The following PSD3 variants were observed in gnomAD, a reference collection of about 807,000 sequenced individuals.
PSD3 encodes the protein pleckstrin and Sec7 domain containing 3.
In PSD3, 49 loss-of-function variants were observed where a neutral mutation model predicts 105.5. The ratio of observed to expected loss-of-function variants is 0.46; its 90% CI spans 0.37 to 0.59. The LOEUF (loss-of-function observed/expected upper bound fraction) is 0.59, where lower values mean the gene tolerates loss of function less well. Ranked by LOEUF, PSD3 falls within the 20% of genes least tolerant of loss-of-function variation. The pLI, the probability that PSD3 is intolerant of heterozygous loss-of-function variation, is 0.00. For missense variants in PSD3, 1,561 were observed against 1,263.8 expected (o/e 1.24, Z -3.57); for synonymous variants, 557 against 457.8 (o/e 1.22, Z -2.77).
intron 9 of PSD3, among the ~76,000 whole-genome samples, chr8:18,718,703 T>C (rs1220985115): frequency 6.6e-6 from 1 of 152,080 alleles, no homozygotes; most frequent in East Asian, 1.9e-4. Context: ...CTAAAAACCT[T>C]TAGGAGATGA....
intron 1 of PSD3, among the ~76,000 whole-genome samples, chr8:19,065,603 C>A (rs1829049511): frequency 6.6e-6 from 1 of 152,168 alleles, no homozygotes; most frequent in Non-Finnish European, 1.5e-5. Context: ...TGGTTTATTA[C>A]AAAGGGTATT....
At chr8:18,847,288 A>G (rs1331809976) in intron 4 of PSD3, among the ~76,000 whole-genome samples, 1 of 152,100 alleles carries the variant, frequency 6.6e-6, no homozygotes, top group African/African-American at 2.4e-5. Context: ...TTCAAAGTAA[A>G]TATCTCCCAT....
chr8:18,950,914 G>A (rs1428285608), intron 1 of PSD3, among the ~76,000 whole-genome samples: 1 of 152,066 alleles, frequency 6.6e-6, no homozygotes, highest in African/African-American at 2.4e-5. Flanking sequence ...TATTTCTGTT[G>A]CTCTAGGGCC....
chr8:19,058,633 A>T (rs1828788237), intron 1 of PSD3, among the ~76,000 whole-genome samples: 1 of 152,150 alleles, frequency 6.6e-6, no homozygotes, highest in Admixed American at 6.5e-5. Flanking sequence ...CCCAACTTAA[A>T]TTCTACCTGT....
At chr8:19,003,183 C>T (rs1044805169) in intron 1 of PSD3, among the ~76,000 whole-genome samples, 1 of 152,048 alleles carries the variant, frequency 6.6e-6, no homozygotes, top group Non-Finnish European at 1.5e-5. Context: ...CACTATGCTG[C>T]ACTGCCTCTG....
intron 1 of PSD3, among the ~76,000 whole-genome samples, chr8:19,030,883 T>G (rs760815620): frequency 6.6e-6 from 1 of 152,228 alleles, no homozygotes; most frequent in Admixed American, 6.5e-5. Context: ...AGCTGCTTTC[T>G]CTTTCAAGTC....
At chr8:19,068,878 G>A (rs112649197) in intron 1 of PSD3, among the ~76,000 whole-genome samples, 2,422 of 151,736 alleles carry the variant, frequency 0.016, 77 homozygotes, top group African/African-American at 0.056. Flanking sequence ...GCTCTTTTTT[G>A]CCCACATCTG....
intron 1 of PSD3, among the ~76,000 whole-genome samples, chr8:18,945,151 T>C (rs1219861728): frequency 6.6e-6 from 1 of 152,172 alleles, no homozygotes; most frequent in Non-Finnish European, 1.5e-5. Flanking sequence ...ACAAAATGTC[T>C]ACATTCTAAT....
chr8:18,575,948 G>C (rs990206229), intron 12 of PSD3, among the ~76,000 whole-genome samples: 8 of 152,060 alleles, frequency 5.3e-5, no homozygotes, highest in African/African-American at 1.7e-4. Context: ...TAGAGTTTAA[G>C]GCCTCCCTTC....
rs1823686591 is a variant in PSD3 at position 18,958,036 on chromosome 8, T to G, written c.22-21894A>C. ...CAGCAACTCAACTCTTAATAATTTA[T>G]TCCACAGACACATACCAAAGAGGAA... On this transcript the variant is annotated intron_variant, in intron 1 of 15. Coordinates refer to ENST00000327040, the MANE Select transcript of PSD3 (RefSeq NM_015310.4). Among the ~76,000 whole-genome samples, 3 of 152,172 alleles carry G rather than the reference T, an allele frequency of 2.0e-5. No individual in the cohort carries two copies. The South Asian group carries it at 6.2e-4, about 32-fold the overall frequency.
At chr8:18,722,141 G>A (rs945196340) in intron 9 of PSD3, among the ~76,000 whole-genome samples, 1 of 151,214 alleles carries the variant, frequency 6.6e-6, no homozygotes, top group Middle Eastern at 3.2e-3. Context: ...CTACTAGATC[G>A]GTGGGTGGAC....
At chr8:18,642,964 G>A (rs1311700166) in intron 10 of PSD3, among the ~76,000 whole-genome samples, 2 of 152,216 alleles carry the variant, frequency 1.3e-5, no homozygotes, top group African/African-American at 4.8e-5. Context: ...CTCAGATTAA[G>A]TATGAGATAT....
At chr8:18,575,881 G>C (rs533455045) in intron 12 of PSD3, among the ~76,000 whole-genome samples, 8 of 150,024 alleles carry the variant, frequency 5.3e-5, no homozygotes, top group Middle Eastern at 3.4e-3. Flanking sequence ...AGCTTAGCTT[G>C]TTATCAAAAA....
chr8:18,614,401 ATTACCGGGAATTT>A (rs796186793), intron 11 of PSD3, among the ~76,000 whole-genome samples: 7 of 133,862 alleles, frequency 5.2e-5, no homozygotes, highest in African/African-American at 1.9e-4. Context: ...TTCAACAAAT[ATTACCGGGAATTT>A]TTTTTTTTTT....
intron 9 of PSD3, among the ~76,000 whole-genome samples, chr8:18,703,443 T>G (rs1316804782): frequency 6.6e-6 from 1 of 152,196 alleles, no homozygotes; most frequent in Non-Finnish European, 1.5e-5. Flanking sequence ...TCATTATCAC[T>G]AGGTGGTTGG....
chr8:18,709,656 T>C lies in PSD3; in HGVS notation c.2173-53971A>G, dbSNP rs117704975. On this transcript the variant is annotated intron_variant, in intron 9 of 15. Coordinates refer to ENST00000327040, the MANE Select transcript of PSD3 (RefSeq NM_015310.4). ...AGAGAAACAAACAGGCAACCATCTT[T>C]GCTGTTCTGCAGACTCCCCTGGTGA... 3.2e-4 allele frequency among the ~76,000 whole-genome samples: 49 copies of C among 152,306 alleles called. No homozygotes were observed. The East Asian group carries it at 9.1e-3, about 28-fold the overall frequency.
intron 9 of PSD3, chr8:18,734,209 G>C (rs575632196): frequency 6.6e-6 from 1 of 152,236 alleles, no homozygotes; most frequent in South Asian, 2.1e-4. Flanking sequence ...TCTATGTATA[G>C]CCTTTGGAAA....
intron 1 of PSD3, among the ~76,000 whole-genome samples, chr8:19,066,555 T>C (rs917978343): frequency 1.3e-5 from 2 of 152,172 alleles, no homozygotes; most frequent in African/African-American, 4.8e-5. Context: ...AGTCTTTATC[T>C]CCAGACTCAT....
At chr8:18,798,834 AGTTT>A (rs1810422205) in intron 8 of PSD3, among the ~76,000 whole-genome samples, 1 of 151,966 alleles carries the variant, frequency 6.6e-6, no homozygotes, top group South Asian at 2.1e-4. Flanking sequence ...GACGGTAATT[AGTTT>A]GTTTTATTAT....
Sources: allele counts gnomAD v4.1 joint callset (sites outside exome capture counted in the v4.1 genomes callset), GRCh38; gene constraint gnomAD v4.1.1; transcripts MANE v1.5; gene names NCBI Gene and HGNC (gene_info 2026-07-23, HGNC 2026-07-21).